TBC1D4: variants seen among roughly 807,000 people sequenced by gnomAD.
The protein encoded by TBC1D4 is TBC (Tre-2, BUB2, CDC16) domain-containing protein.
In TBC1D4, 121 loss-of-function variants were observed where a neutral mutation model predicts 142.5. The observed-to-expected ratio is 0.85, with a 90% CI of 0.73 to 0.99. The LOEUF is 0.99. TBC1D4 is among the 50% of genes least tolerant of loss of function. The probability of loss-of-function intolerance (pLI) is 0.00; values close to 1 mark genes in which losing one functional copy is unlikely to be tolerated. For missense variants in TBC1D4, 1,475 were observed against 1,606.6 expected (o/e 0.92, Z 1.40); for synonymous variants, 630 against 628.2 (o/e 1.00, Z -0.04).
chr13:75,304,564 T>C (rs1223240106), intron 15 of TBC1D4, among the ~76,000 whole-genome samples: 1 of 152,114 alleles, frequency 6.6e-6, no homozygotes, highest in Non-Finnish European at 1.5e-5. Context: ...AAAAGAATGA[T>C]AAAGTACAAT....
chr13:75,381,103 C>T (rs1397903242), intron 1 of TBC1D4, among the ~76,000 whole-genome samples: 1 of 152,184 alleles, frequency 6.6e-6, no homozygotes, highest in Non-Finnish European at 1.5e-5. Context: ...AAGCACCTAA[C>T]ATTGTATCTA....
Position 75,356,283 on chromosome 13 carries a change from G to A in TBC1D4, c.1171-32C>T, listed in dbSNP as rs780300209. 4 of 1,403,546 alleles carry A rather than the reference G, an allele frequency of 2.8e-6. No homozygotes were observed. In the African/African-American group the frequency reaches 5.6e-5, roughly 20 times the overall value. The allele number at this position is 1,403,546 out of a possible 1,614,324, so 86.9% of individuals were successfully genotyped here. ...GGAGGGGAAGAAGTGCAATAAAAATGTATGGGAATATATATTTTTTACTCA... is the reference window on the plus strand; with the variant it reads ...GGAGGGGAAGAAGTGCAATAAAAATATATGGGAATATATATTTTTTACTCA... On this transcript the variant is annotated intron_variant, in intron 3 of 20. Coordinates refer to ENST00000377636, the MANE Select transcript of TBC1D4 (RefSeq NM_014832.5).
chr13:75,481,902 C>G lies in TBC1D4; in HGVS notation c.-135G>C, dbSNP rs1375113197. ...CGCCTGCCTGGGAGCGGCGCGACCC[C>G]GAACTCCGCGCTTCAGCAGCCCTGC... On this transcript the variant is annotated 5_prime_UTR_variant, in exon 1 of 21. Transcript: ENST00000377636. 8.6e-6 allele frequency: 11 copies of G among 1,276,020 alleles called. No individual in the cohort carries two copies. The East Asian group carries it at 3.0e-4, about 35-fold the overall frequency. 79.0% of individuals were successfully genotyped at this position (1,276,020 alleles called of 1,614,324 possible). A position where few individuals can be genotyped will look rare whatever the true frequency, so the allele number is the denominator to read the frequency against.
chr13:75,418,848 G>A (rs758472696), intron 1 of TBC1D4, among the ~76,000 whole-genome samples: 6 of 152,042 alleles, frequency 3.9e-5, no homozygotes, highest in Admixed American at 6.6e-5. Context: ...TGCAACCTCC[G>A]CAAAATAAAC....
At chr13:75,390,303 AGAAAAG>A (rs1884404217) in intron 1 of TBC1D4, among the ~76,000 whole-genome samples, 1 of 149,632 alleles carries the variant, frequency 6.7e-6, no homozygotes, top group Non-Finnish European at 1.5e-5. Flanking sequence ...AACAGGAGAA[AGAAAAG>A]AAAAGAAGTC....
chr13:75,356,590 C>T (rs1566419367), intron 3 of TBC1D4, among the ~76,000 whole-genome samples: 1 of 152,158 alleles, frequency 6.6e-6, no homozygotes, highest in Non-Finnish European at 1.5e-5. Flanking sequence ...GTCTTCTTGG[C>T]ACGGCAGTCT....
intron 5 of TBC1D4, among the ~76,000 whole-genome samples, chr13:75,346,541 C>T (rs1472002184): frequency 6.6e-6 from 1 of 152,228 alleles, no homozygotes; most frequent in Non-Finnish European, 1.5e-5. Flanking sequence ...TTTATCCAGT[C>T]TATCACTGAT....
In TBC1D4 at chr13:75,306,473, T is replaced by C; in HGVS notation, c.2594-2A>G. ...TGGACTGGAGTTCATCTCTGCTTGCTAAGGAAAAAAACAATTTACGTAAGA... is the reference window on the plus strand; with the variant it reads ...TGGACTGGAGTTCATCTCTGCTTGCCAAGGAAAAAAACAATTTACGTAAGA... On this transcript the variant is annotated splice_acceptor_variant, in intron 14 of 20. Transcript: ENST00000377636. LOFTEE classifies it high-confidence loss of function. 1 of 1,612,860 alleles carries C rather than the reference T, an allele frequency of 6.2e-7. No homozygotes were observed. Among genetic ancestry groups the C allele is most frequent in the Non-Finnish European group, 8.5e-7 (1 of 1,179,788 alleles).
chr13:75,332,526 G>A lies in TBC1D4; in HGVS notation c.1731+4395C>T, dbSNP rs150752604. ...GATGCTGGTGCTTTAAGAATTACAC[G>A]TGCCTTAAGTAAGTGTAATTGCATC... is the stretch of plus-strand genomic sequence containing the variant. On this transcript the variant is annotated intron_variant, in intron 8 of 20. Transcript: ENST00000377636. Among the ~76,000 whole-genome samples, 40 of 152,224 alleles carry A rather than the reference G, an allele frequency of 2.6e-4. No homozygotes were observed. The East Asian group carries it at 7.3e-3, about 28-fold the overall frequency.
chr13:75,332,218 C>A (rs1329871169), intron 8 of TBC1D4, among the ~76,000 whole-genome samples: 1 of 152,210 alleles, frequency 6.6e-6, no homozygotes. Context: ...AGGTTTTGAG[C>A]TTACTACTGA....
rs924665890 is a variant in TBC1D4, at chr13:75,364,666, T to A, written c.499-2059A>T. ...CTCAACCGTGCAAACCTGCAAAAAA[T>A]AAAATGATTCTAGTGGGCAAAGCCC... On this transcript the variant is annotated intron_variant, in intron 1 of 20. Coordinates refer to ENST00000377636, the MANE Select transcript of TBC1D4 (RefSeq NM_014832.5). Among the ~76,000 whole-genome samples, 14 of 152,342 alleles carry A rather than the reference T, an allele frequency of 9.2e-5. No homozygotes were observed. In the East Asian group the frequency reaches 2.7e-3, roughly 29 times the overall value.
chr13:75,317,655 C>T (rs1405226392), intron 12 of TBC1D4, among the ~76,000 whole-genome samples: 2 of 152,264 alleles, frequency 1.3e-5, no homozygotes, highest in African/African-American at 4.8e-5. Context: ...TATAAAACTC[C>T]TTCCCAAGAT....
intron 1 of TBC1D4, among the ~76,000 whole-genome samples, chr13:75,396,878 T>G (rs1292561555): frequency 1.3e-5 from 2 of 152,066 alleles, no homozygotes; most frequent in East Asian, 3.8e-4. Flanking sequence ...GAGAAAAAAT[T>G]CAGAGATTTT....
At position 75,481,599 on chromosome 13, in the gene TBC1D4, A is replaced by G. The variant is rs1286539701; in HGVS notation, c.169T>C (p.Trp57Arg). The change falls in exon 1 of 21, where the codon TGG (tryptophan) becomes CGG (arginine). Residue 57 changes from tryptophan to arginine, a missense_variant. Physicochemically the swap from Trp to Arg is moderately radical, Grantham distance 101. This residue lies in a region of TBC1D4 where 1,227 missense variants were observed against 1,267.7 expected (regional missense o/e 0.97). Transcript: ENST00000377636. ...CGCCTGCGGATCTCGGCCATGAGCC[A>G]GGGCAGCATAGGCAGCGTGGTCCTG... ...DHRTTLPMLPWLMAEIRRRSQ... is the reference protein window; with the variant it reads ...DHRTTLPMLPRLMAEIRRRSQ... The G allele has an allele frequency of 1.9e-6, 3 of 1,608,064 alleles. No individual in the cohort carries two copies. The highest frequency in any genetic ancestry group is 2.5e-6 in the Non-Finnish European group (3 of 1,177,682).
chr13:75,396,556 A>G (rs532797632), intron 1 of TBC1D4, among the ~76,000 whole-genome samples: 1 of 152,298 alleles, frequency 6.6e-6, no homozygotes, highest in East Asian at 1.9e-4. Flanking sequence ...ATGATTTCCT[A>G]ATAAAGCCAG....
intron 1 of TBC1D4, among the ~76,000 whole-genome samples, chr13:75,413,491 A>T (rs573315331): frequency 6.6e-6 from 1 of 151,946 alleles, no homozygotes; most frequent in Non-Finnish European, 1.5e-5. Flanking sequence ...ACATTATAAG[A>T]TTTTTTTGTG....
At chr13:75,301,880 A>G (rs1476305861) in intron 16 of TBC1D4, among the ~76,000 whole-genome samples, 1 of 152,188 alleles carries the variant, frequency 6.6e-6, no homozygotes, top group Non-Finnish European at 1.5e-5. Context: ...TTTTTAACCT[A>G]TTCTAAGCTA....
At chr13:75,356,084 G>C (rs774072168) in intron 4 of TBC1D4, 63 bp downstream of exon 4, 4 of 1,284,052 alleles carry the variant, frequency 3.1e-6, no homozygotes, top group Non-Finnish European at 4.5e-6. Context: ...GCTCCTAAGA[G>C]ACAAGTCTTC....
rs766283525 is a variant in TBC1D4 at position 75,362,639 on chromosome 13, T to C, written c.499-32A>G. 1.2e-6 allele frequency: 2 copies of C among 1,610,520 alleles called. No individual in the cohort carries two copies. Among genetic ancestry groups the C allele is most frequent in the South Asian group, 1.1e-5 (1 of 90,966 alleles). ...GAAAAAATTAAAACCCTGATTCTAG[T>C]TGAAAGTTTTGAGACAATTTACATT... On this transcript the variant is annotated intron_variant, in intron 1 of 20. Coordinates refer to ENST00000377636, the MANE Select transcript of TBC1D4 (RefSeq NM_014832.5). This position sits in a 1 kb window ranked among gnomAD's most constrained non-coding sequence, Gnocchi z 4.2.
Sources: allele counts gnomAD v4.1 joint callset (sites outside exome capture counted in the v4.1 genomes callset), GRCh38; gene constraint gnomAD v4.1.1; regional missense constraint gnomAD v4.1.1; non-coding constraint Gnocchi (gnomAD v3.1); transcripts MANE v1.5; gene names NCBI Gene and HGNC (gene_info 2026-07-23, HGNC 2026-07-21).